Variants in CELF2 observed in about 807,000 individuals in gnomAD.
CELF2 encodes the protein CUGBP Elav-like family member 2, also known as CUG triplet repeat RNA-binding protein 2.
A neutral mutation model predicts 62.6 loss-of-function variants in CELF2; 8 were observed. The observed-to-expected ratio is 0.13, with a 90% CI of 0.07 to 0.23. CELF2 has a LOEUF of 0.23. CELF2 is among the 10% of genes least tolerant of loss of function. The pLI is 1.00. For synonymous variants in CELF2, 258 were observed against 250.0 expected (o/e 1.03, Z -0.30); for missense variants, 333 against 671.0 (o/e 0.50, Z 5.56).
chr10:10,678,119 A>G, the CELF2 span, among the ~76,000 whole-genome samples: 4 of 152,146 alleles, frequency 2.6e-5, no homozygotes, highest in African/African-American at 9.7e-5. Context: ...CTGTCTAGCC[A>G]TCTTTATAAT....
chr10:10,566,883 C>T, the CELF2 span, among the ~76,000 whole-genome samples: 2 of 152,006 alleles, frequency 1.3e-5, no homozygotes, highest in African/African-American at 2.4e-5. Context: ...CCTCTTCCAC[C>T]GATCTCTACT....
Position 10,931,887 on chromosome 10 carries a change from T to G in CELF2, c.89+11888T>G, listed in dbSNP as rs1425775403. ...AACCATGGCAGAAGGTGAATGAGGA[T>G]CAAAGTCATGTCTTACATGGTGGCT... is the stretch of plus-strand genomic sequence containing the variant. On this transcript the variant is annotated intron_variant, in intron 2 of 13. Coordinates refer to the CELF2 transcript ENST00000636488. The surrounding 1 kb of genome is among the most constrained non-coding windows in gnomAD (Gnocchi z 6.1). 1.3e-5 allele frequency among the ~76,000 whole-genome samples: 2 copies of G among 152,112 alleles called. No homozygotes were observed. The highest frequency in any genetic ancestry group is 2.4e-5 in the African/African-American group (1 of 41,416).
chr10:10,533,679 GAAGA>G, the CELF2 span, among the ~76,000 whole-genome samples: 1 of 152,204 alleles, frequency 6.6e-6, no homozygotes, highest in Non-Finnish European at 1.5e-5. Flanking sequence ...CGCACATTAG[GAAGA>G]AAGAATCAGA....
intron 8 of CELF2, among the ~76,000 whole-genome samples, chr10:11,282,030 C>T (rs2089036768): frequency 6.6e-6 from 1 of 152,148 alleles, no homozygotes; most frequent in Non-Finnish European, 1.5e-5. Flanking sequence ...GTGGGGCGAG[C>T]AAGGCCACTC....
chr10:10,592,173 A>G, the CELF2 span, among the ~76,000 whole-genome samples: 2 of 152,146 alleles, frequency 1.3e-5, no homozygotes, highest in African/African-American at 4.8e-5. Context: ...ATAATGAGAT[A>G]CTCTGGCAGG....
chr10:11,079,561 T>G (rs1445312853), intron 1 of CELF2, among the ~76,000 whole-genome samples: 1 of 152,174 alleles, frequency 6.6e-6, no homozygotes, highest in Non-Finnish European at 1.5e-5. Context: ...TATAAGGGGC[T>G]TCCCCCTTCA....
At chr10:11,259,806 G>T (rs2079939649) in intron 5 of CELF2, among the ~76,000 whole-genome samples, 1 of 152,182 alleles carries the variant, frequency 6.6e-6, no homozygotes, top group Non-Finnish European at 1.5e-5. Context: ...AGCCAGGAGG[G>T]AGAATACCAT....
rs143260081 is a variant in CELF2, at chr10:11,128,228, C to G, written c.75-37258C>G. ...TGATTTCTGAGGGCTCTGTTCTGTTCCATTGGTCTATATCTCTGTTTTGGT... is the reference window on the plus strand; with the variant it reads ...TGATTTCTGAGGGCTCTGTTCTGTTGCATTGGTCTATATCTCTGTTTTGGT... On this transcript the variant is annotated intron_variant, in intron 1 of 12. Transcript: ENST00000633077. Among the ~76,000 whole-genome samples the G allele has an allele frequency of 8.9e-3, 1,348 of 152,162 alleles. 35 individuals carry two copies. Among genetic ancestry groups the G allele is most frequent in the Admixed American group, 0.049 (753 of 15,274 alleles).
At chr10:11,099,964 G>A (rs1471247481) in intron 1 of CELF2, among the ~76,000 whole-genome samples, 2 of 151,334 alleles carry the variant, frequency 1.3e-5, no homozygotes, top group Non-Finnish European at 2.9e-5. Flanking sequence ...ACTTTGGGAG[G>A]CTCAGATGGG....
At chr10:10,804,500 T>C (rs1241484906) in intron 1 of CELF2, among the ~76,000 whole-genome samples, 1 of 152,212 alleles carries the variant, frequency 6.6e-6, no homozygotes, top group Non-Finnish European at 1.5e-5. Flanking sequence ...GTCTTGTTAT[T>C]AGGAAAAAAC....
At chr10:10,971,137 T>C (rs774393347) in intron 2 of CELF2, among the ~76,000 whole-genome samples, 2 of 152,182 alleles carry the variant, frequency 1.3e-5, no homozygotes, top group African/African-American at 2.4e-5. Context: ...CCCTGCCTCC[T>C]TGTCATATCT....
At chr10:10,596,087 T>C in the CELF2 span, among the ~76,000 whole-genome samples, 1 of 152,102 alleles carries the variant, frequency 6.6e-6, no homozygotes, top group South Asian at 2.1e-4. Flanking sequence ...GCAAGAACCC[T>C]TGTGGGCTAA....
chr10:10,679,331 C>G, the CELF2 span, among the ~76,000 whole-genome samples: 1 of 152,160 alleles, frequency 6.6e-6, no homozygotes, highest in East Asian at 1.9e-4. Context: ...AATCTCTCTA[C>G]CAGGCTGGAG....
At chr10:10,599,734 T>C in the CELF2 span, among the ~76,000 whole-genome samples, 1 of 147,964 alleles carries the variant, frequency 6.8e-6, no homozygotes, top group African/African-American at 2.5e-5. Context: ...TCTTTTTTTT[T>C]TTTTTTTGTT....
At chr10:11,202,592 G>A (rs150413374) in intron 2 of CELF2, among the ~76,000 whole-genome samples, 1 of 152,308 alleles carries the variant, frequency 6.6e-6, no homozygotes, top group African/African-American at 2.4e-5. Context: ...GCCTGTGACA[G>A]TTATATTCAG....
At chr10:10,594,966 A>G in the CELF2 span, among the ~76,000 whole-genome samples, 19 of 152,338 alleles carry the variant, frequency 1.2e-4, no homozygotes, top group East Asian at 2.9e-3. Context: ...GGCAGAAGAA[A>G]TTCCAGAGGG....
chr10:10,662,387 A>AT, the CELF2 span, among the ~76,000 whole-genome samples: 1 of 151,982 alleles, frequency 6.6e-6, no homozygotes, highest in African/African-American at 2.4e-5. Context: ...TGAGTTAAAA[A>AT]CTCAGCAGCA....
rs541902998 is a variant in CELF2 at position 11,326,385 on chromosome 10, T to C, written c.1438+406T>C. Reference sequence around the variant, plus strand: ...TCATCAGCACCAACACATCCATGTGTTCAGGCTGCTTGCGTGATCGCAGCT... The same window carrying C: ...TCATCAGCACCAACACATCCATGTGCTCAGGCTGCTTGCGTGATCGCAGCT... On this transcript the variant is annotated intron_variant, in intron 12 of 12. Coordinates refer to ENST00000633077, the MANE Select transcript of CELF2 (RefSeq NM_001326342.2). 1.4e-3 allele frequency among the ~76,000 whole-genome samples: 214 copies of C among 152,354 alleles called. 2 individuals carry two copies. The highest frequency in any genetic ancestry group is 4.9e-3 in the African/African-American group (204 of 41,578).
At position 11,237,175 on chromosome 10, in the gene CELF2, A is replaced by G. The variant is rs993581927; in HGVS notation, c.355-11978A>G. ...ACTAGGGCTGTAGCCGTGGAAATAG[A>G]AAAGTCTATGAGAAGGAAAAGAAAT... On this transcript the variant is annotated intron_variant, in intron 3 of 12. Transcript: ENST00000633077. This position sits in a 1 kb window ranked among gnomAD's most constrained non-coding sequence, Gnocchi z 4.0. Among the ~76,000 whole-genome samples, 1 of 152,204 alleles carries G rather than the reference A, an allele frequency of 6.6e-6. No individual in the cohort carries two copies. Among genetic ancestry groups the G allele is most frequent in the Non-Finnish European group, 1.5e-5 (1 of 68,044 alleles).
Sources: allele counts gnomAD v4.1 joint callset (sites outside exome capture counted in the v4.1 genomes callset), GRCh38; gene constraint gnomAD v4.1.1; non-coding constraint Gnocchi (gnomAD v3.1); transcripts MANE v1.5; gene names NCBI Gene and HGNC (gene_info 2026-07-23, HGNC 2026-07-21).